ERC2: variants seen among roughly 807,000 people sequenced by gnomAD.
ERC2 encodes the protein ERC protein 2.
ERC2 carries 42 observed loss-of-function variants against 114.8 expected under a neutral mutation model. That is an observed-to-expected ratio of 0.37 (90% CI 0.29 to 0.47). The LOEUF (loss-of-function observed/expected upper bound fraction) is 0.47, where lower values mean the gene tolerates loss of function less well. ERC2 is among the 20% of genes least tolerant of loss of function. The pLI is 0.99. For missense variants in ERC2, 939 were observed against 1,150.7 expected (o/e 0.82, Z 2.66); for synonymous variants, 454 against 425.5 (o/e 1.07, Z -0.82).
chr3:56,001,485 C>T (rs894958337), intron 10 of ERC2, among the ~76,000 whole-genome samples: 1 of 151,826 alleles, frequency 6.6e-6, no homozygotes, highest in Non-Finnish European at 1.5e-5. Context: ...TCCCGGGATG[C>T]CAAACCAATG....
At chr3:56,204,540 T>G (rs144702357) in intron 3 of ERC2, among the ~76,000 whole-genome samples, 2,158 of 133,078 alleles carry the variant, frequency 0.016, 57 homozygotes, top group African/African-American at 0.055. Context: ...AATCTCACTC[T>G]GTCGCCAGCC....
At chr3:55,689,448 G>A (rs1028408932) in intron 16 of ERC2, among the ~76,000 whole-genome samples, 5 of 152,250 alleles carry the variant, frequency 3.3e-5, no homozygotes, top group African/African-American at 1.2e-4. Flanking sequence ...TTGTTTGGGA[G>A]CTTAAAATCA....
chr3:55,641,170 G>A (rs892983256), intron 17 of ERC2, among the ~76,000 whole-genome samples: 11 of 152,136 alleles, frequency 7.2e-5, no homozygotes, highest in African/African-American at 2.2e-4. Context: ...CCAAAAGATG[G>A]TGAAAGACAG....
intron 2 of ERC2, among the ~76,000 whole-genome samples, chr3:56,357,271 TTAGAAGCCAGACTCTTCCCAAAGACCTCA>T (rs2058780317): frequency 2.0e-5 from 3 of 152,232 alleles, no homozygotes; most frequent in African/African-American, 7.2e-5. Context: ...TGGGGGCCTG[TTAGAAGCCAGACTCTTCCCAAAGACCTCA>T]CAACAATCCT....
At chr3:56,367,730 T>C (rs1394398750) in intron 2 of ERC2, among the ~76,000 whole-genome samples, 1 of 152,054 alleles carries the variant, frequency 6.6e-6, no homozygotes, top group Non-Finnish European at 1.5e-5. Flanking sequence ...TTTATCAAGC[T>C]GCAAACATTG....
At chr3:56,037,438 G>A (rs1228829668) in intron 7 of ERC2, among the ~76,000 whole-genome samples, 1 of 152,114 alleles carries the variant, frequency 6.6e-6, no homozygotes, top group African/African-American at 2.4e-5. Flanking sequence ...AGACCACGCA[G>A]AAGAAAGAAT....
At position 56,173,443 on chromosome 3, in the gene ERC2, T is replaced by C. The variant is rs1575682881; in HGVS notation, c.1149+3A>G. On this transcript the variant is annotated splice_donor_region_variant and intron_variant, in intron 4 of 17. Transcript: ENST00000288221. The stretch of plus-strand genomic sequence containing the variant: ...GTTTCTGACAAAAGTGCACAGTTCC[T>C]ACCTTCATTTCGATGACAGTCTGGA... 6.2e-7 allele frequency: 1 copy of C among 1,613,858 alleles called. No homozygotes were observed. The highest frequency in any genetic ancestry group is 8.5e-7 in the Non-Finnish European group (1 of 1,179,746).
intron 6 of ERC2, among the ~76,000 whole-genome samples, chr3:56,104,785 T>C (rs2078556998): frequency 6.6e-6 from 1 of 152,196 alleles, no homozygotes; most frequent in Non-Finnish European, 1.5e-5. Flanking sequence ...TCCCAGGCAC[T>C]GTTCTGGATG....
intron 17 of ERC2, among the ~76,000 whole-genome samples, chr3:55,544,222 G>A (rs1486705695): frequency 2.6e-5 from 4 of 152,142 alleles, no homozygotes; most frequent in Non-Finnish European, 5.9e-5. Context: ...CCCAATTAGA[G>A]TTATACTCCT....
At chr3:55,835,762 G>T (rs2060848538) in intron 14 of ERC2, among the ~76,000 whole-genome samples, 2 of 152,124 alleles carry the variant, frequency 1.3e-5, no homozygotes, top group South Asian at 2.1e-4. Flanking sequence ...GGGCGATTAG[G>T]CAGGAGAAGG....
chr3:56,188,030 G>C (rs1342544608), intron 3 of ERC2, among the ~76,000 whole-genome samples: 2 of 152,154 alleles, frequency 1.3e-5, no homozygotes, highest in Non-Finnish European at 2.9e-5. Context: ...ACAGGAAGAG[G>C]AAAGAAGTGG....
chr3:55,874,494 G>A (rs1197522826), intron 14 of ERC2, among the ~76,000 whole-genome samples: 1 of 151,922 alleles, frequency 6.6e-6, no homozygotes, highest in African/African-American at 2.4e-5. Context: ...GTATCAATCA[G>A]CTTATTTTCC....
intron 14 of ERC2, among the ~76,000 whole-genome samples, chr3:55,750,011 TG>T (rs1559594772): frequency 6.6e-6 from 1 of 152,158 alleles, no homozygotes; most frequent in Non-Finnish European, 1.5e-5. Context: ...TACCTATAGG[TG>T]GTGGCTTAAA....
At chr3:56,023,757 A>G (rs865816640) in intron 7 of ERC2, among the ~76,000 whole-genome samples, 1 of 150,960 alleles carries the variant, frequency 6.6e-6, no homozygotes, top group Non-Finnish European at 1.5e-5. Context: ...AGCTTACTGA[A>G]TGAATGAAAA....
In ERC2 at chr3:55,771,139, C is replaced by A. The variant is rs560670824; in HGVS notation, c.2565-36221G>T. On this transcript the variant is annotated intron_variant, in intron 14 of 17. Transcript: ENST00000288221. ...ATGTGTCTTTATAGTAGAATGATTT[C>A]TAATCCTTTGGGTATATACCCAGTA... 8.5e-5 allele frequency among the ~76,000 whole-genome samples: 13 copies of A among 152,228 alleles called. No individual in the cohort carries two copies. The South Asian group carries it at 2.3e-3, about 27-fold the overall frequency.
At chr3:56,382,755 TTTTTCATGACTGG>T (rs979645441) in intron 2 of ERC2, among the ~76,000 whole-genome samples, 2 of 152,116 alleles carry the variant, frequency 1.3e-5, no homozygotes, top group African/African-American at 4.8e-5. Context: ...TATACTCACC[TTTTTCATGACTGG>T]ATGCAATCTT....
intron 2 of ERC2, among the ~76,000 whole-genome samples, chr3:56,357,438 TAAC>T (rs982501543): frequency 2.0e-5 from 3 of 152,142 alleles, no homozygotes; most frequent in Non-Finnish European, 2.9e-5. Flanking sequence ...CAGTCTGACT[TAAC>T]AACCACAACT....
intron 17 of ERC2, among the ~76,000 whole-genome samples, chr3:55,681,242 C>T (rs1406908544): frequency 6.6e-6 from 1 of 152,164 alleles, no homozygotes; most frequent in Non-Finnish European, 1.5e-5. Context: ...GGTTGTTATG[C>T]TAATTCCAAT....
At chr3:56,076,516 G>A (rs908782943) in intron 7 of ERC2, among the ~76,000 whole-genome samples, 10 of 152,134 alleles carry the variant, frequency 6.6e-5, no homozygotes, top group African/African-American at 2.4e-4. Flanking sequence ...GAAAACTATG[G>A]CTGCAGCATG....
Sources: gnomAD v4.1 joint callset for allele counts (sites outside exome capture counted in the v4.1 genomes callset) on GRCh38, gnomAD v4.1.1 for gene constraint, MANE v1.5 for transcripts, NCBI Gene and HGNC (gene_info 2026-07-23, HGNC 2026-07-21) for gene names.